The following CPNE3 variants were observed in gnomAD, a reference collection of about 807,000 sequenced individuals.
CPNE3 encodes the protein copine 3.
A neutral mutation model predicts 63.9 loss-of-function variants in CPNE3; 68 were observed. The observed-to-expected ratio is 1.06, with a 90% CI of 0.87 to 1.30. The LOEUF is 1.30. CPNE3 is among the 50% of genes most tolerant of loss of function. CPNE3 has a pLI of 0.00. For synonymous variants in CPNE3, 219 were observed against 197.5 expected (o/e 1.11, Z -0.91); for missense variants, 665 against 578.1 (o/e 1.15, Z -1.54).
In CPNE3 at chr8:86,547,781, C is replaced by T; in HGVS notation, c.879+11C>T. 1 of 1,225,466 alleles carries T rather than the reference C, an allele frequency of 8.2e-7. No homozygotes were observed. Among genetic ancestry groups the T allele is most frequent in the Non-Finnish European group, 1.2e-6 (1 of 831,234 alleles). 75.9% of individuals were successfully genotyped at this position (1,225,466 alleles called of 1,614,324 possible). On this transcript the variant is annotated intron_variant, in intron 11 of 16. Transcript: ENST00000517490. ...CAGCTGAATTTTACTGTAAGTAACACACTGAATTTTTCAGCATAGGCTTTT... is the reference window on the plus strand; with the variant it reads ...CAGCTGAATTTTACTGTAAGTAACATACTGAATTTTTCAGCATAGGCTTTT...
rs756409638 is a variant in CPNE3, at chr8:86,547,690, TAAG to T, written c.820-20_820-18del. 2 of 1,021,576 alleles carry T rather than the reference TAAG, an allele frequency of 2.0e-6. No homozygotes were observed. Among genetic ancestry groups the T allele is most frequent in the South Asian group, 2.7e-5 (2 of 75,258 alleles). The allele number at this position is 1,021,576 out of a possible 1,614,324, so 63.3% of individuals were successfully genotyped here. A position where few individuals can be genotyped will look rare whatever the true frequency, so the allele number is the denominator to read the frequency against. On this transcript the variant is annotated intron_variant, in intron 10 of 16. Transcript: ENST00000517490. The stretch of plus-strand genomic sequence containing the variant: ...TTGTATAGTAGGAGAGTTGTAATTT[TAAG>T]TTTTCTCTTATTTTTAGATTACAGT...
At chr8:86,521,767 T>C (rs1418488851) in intron 2 of CPNE3, 1 of 152,188 alleles carries the variant, frequency 6.6e-6, no homozygotes, top group Non-Finnish European at 1.5e-5. Context: ...TAATATATAC[T>C]ATGCATTATT....
At chr8:86,518,916 C>T (rs1257807237) in intron 2 of CPNE3, among the ~76,000 whole-genome samples, 1 of 152,050 alleles carries the variant, frequency 6.6e-6, no homozygotes, top group East Asian at 1.9e-4. Flanking sequence ...ACCACAGGCA[C>T]ACCCCACCAC....
intron 10 of CPNE3, 150 bp downstream of exon 10, chr8:86,546,831 C>T: frequency 1.3e-6 from 1 of 781,630 alleles, no homozygotes. Context: ...CTGCCTCAGC[C>T]TCCCAGGTAG....
chr8:86,537,421 G>A (rs1335680122), intron 6 of CPNE3, 142 bp from the exon 7 acceptor site: 20 of 581,956 alleles, frequency 3.4e-5, no homozygotes, highest in Non-Finnish European at 5.9e-5. Flanking sequence ...AAGTTAGGGA[G>A]AAAGGTGATG....
At chr8:86,523,655 G>A (rs1355149527) in intron 2 of CPNE3, among the ~76,000 whole-genome samples, 1 of 152,172 alleles carries the variant, frequency 6.6e-6, no homozygotes. Context: ...GTACCATCTC[G>A]GCTCACTGCA....
chr8:86,539,633 T>C (rs1258936404), intron 7 of CPNE3, among the ~76,000 whole-genome samples: 2 of 151,678 alleles, frequency 1.3e-5, no homozygotes, highest in African/African-American at 4.8e-5. Flanking sequence ...AAACCCTCAT[T>C]GCTATTAAAA....
At chr8:86,546,219 AG>A (rs2131480845) in intron 9 of CPNE3, among the ~76,000 whole-genome samples, 1 of 151,882 alleles carries the variant, frequency 6.6e-6, no homozygotes, top group African/African-American at 2.4e-5. Context: ...GGTAACAGCT[AG>A]GAGTAATATT....
intron 1 of CPNE3, chr8:86,515,170 G>T (rs956398540): frequency 6.6e-6 from 1 of 152,074 alleles, no homozygotes; most frequent in Non-Finnish European, 1.5e-5. Context: ...TAGTGTTTTG[G>T]GTTCCCTACA....
At chr8:86,548,202 G>T in intron 11 of CPNE3, 99 bp from the exon 12 acceptor site, 1 of 1,273,306 alleles carries the variant, frequency 7.9e-7, no homozygotes, top group South Asian at 1.4e-5. Flanking sequence ...GTAGGCGCCA[G>T]GATGCATGAT....
chr8:86,540,490 C>A (rs968324096), intron 8 of CPNE3, among the ~76,000 whole-genome samples, 156 bp downstream of exon 8: 1 of 152,054 alleles, frequency 6.6e-6, no homozygotes, highest in Admixed American at 6.6e-5. Context: ...ATAGAAATGT[C>A]TTCTGGTAAG....
intron 2 of CPNE3, among the ~76,000 whole-genome samples, chr8:86,523,123 T>G (rs941847136): frequency 6.6e-6 from 1 of 152,220 alleles, no homozygotes; most frequent in African/African-American, 2.4e-5. Flanking sequence ...ATTGCTACAA[T>G]TCATAGAGTG....
intron 14 of CPNE3, among the ~76,000 whole-genome samples, chr8:86,553,052 C>T (rs1215374810): frequency 2.8e-5 from 4 of 145,044 alleles, no homozygotes; most frequent in African/African-American, 1.0e-4. Context: ...TTAGTAAAGA[C>T]AGGGTTTCAC....
chr8:86,554,832 A>ATTTG lies in CPNE3; in HGVS notation c.1121-8_1121-5dup, dbSNP rs1418661178. 18 of 1,608,120 alleles carry ATTTG rather than the reference A, an allele frequency of 1.1e-5. No homozygotes were observed. The highest frequency in any genetic ancestry group is 1.5e-5 in the Non-Finnish European group (18 of 1,176,926). ...TTGAGAATTTTTAGTACTGTTTTTT[A>ATTTG]TTTGTTTGTTTGTTCTAGGAATCCA... On this transcript the variant is annotated intron_variant, in intron 14 of 16. Coordinates refer to ENST00000517490, the MANE Select transcript of CPNE3 (RefSeq NM_003909.5).
intron 2 of CPNE3, 131 bp from the exon 3 acceptor site, chr8:86,528,405 G>C (rs1306868582): frequency 1.1e-6 from 1 of 897,308 alleles, no homozygotes; most frequent in East Asian, 2.6e-5. Context: ...ATAACAGTCT[G>C]ATTCTGGCAA....
In CPNE3 at chr8:86,546,586, T is replaced by G; in HGVS notation, c.733-9T>G. 6.2e-7 allele frequency: 1 copy of G among 1,608,350 alleles called. No individual in the cohort carries two copies. The highest frequency in any genetic ancestry group is 1.3e-5 in the African/African-American group (1 of 74,452). The stretch of plus-strand genomic sequence containing the variant: ...TAAAAAGTAACATTTTTGTCTTCTC[T>G]TCCTACAGGTTGAATTTGAATGCAT... On this transcript the variant is annotated splice_polypyrimidine_tract_variant and intron_variant, in intron 9 of 16. Coordinates refer to ENST00000517490, the MANE Select transcript of CPNE3 (RefSeq NM_003909.5).
intron 2 of CPNE3, among the ~76,000 whole-genome samples, chr8:86,527,462 G>C (rs892331860): frequency 6.6e-6 from 1 of 152,164 alleles, no homozygotes; most frequent in African/African-American, 2.4e-5. Context: ...TGGGGAAGGA[G>C]GGGTCTATGG....
chr8:86,529,133 A>G lies in CPNE3; in HGVS notation c.312+9A>G. 6.2e-7 allele frequency: 1 copy of G among 1,607,116 alleles called. No homozygotes were observed. Among genetic ancestry groups the G allele is most frequent in the Non-Finnish European group, 8.5e-7 (1 of 1,175,084 alleles). ...AATGTACCCTTGGACAAGTAAGTAT[A>G]AATAGCCACTGTACTCTATTTTGTC... is the stretch of plus-strand genomic sequence containing the variant. On this transcript the variant is annotated intron_variant, in intron 4 of 16. Coordinates refer to ENST00000517490, the MANE Select transcript of CPNE3 (RefSeq NM_003909.5).
intron 15 of CPNE3, 116 bp from the exon 16 acceptor site, chr8:86,555,986 C>G (rs924626130): frequency 1.4e-6 from 1 of 707,422 alleles, no homozygotes; most frequent in Non-Finnish European, 2.6e-6. Context: ...GTGGTGGTAG[C>G]TAGGGTAGAG....
Sources: allele counts gnomAD v4.1 joint callset (sites outside exome capture counted in the v4.1 genomes callset), GRCh38; gene constraint gnomAD v4.1.1; transcripts MANE v1.5; gene names NCBI Gene and HGNC (gene_info 2026-07-23, HGNC 2026-07-21).